The following RAG1 variants were observed in gnomAD, a reference collection of about 807,000 sequenced individuals.
RAG1 encodes recombination activating 1.
RAG1 carries 35 observed loss-of-function variants against 62.7 expected under a neutral mutation model. The observed-to-expected ratio is 0.56, with a 90% confidence interval of 0.43 to 0.74. The LOEUF is 0.74. Among genes scored for constraint, RAG1 ranks in the 30% least tolerant of loss-of-function variants. The pLI is 0.00. For synonymous variants in RAG1, 461 were observed against 470.3 expected (o/e 0.98, Z 0.26); for missense variants, 1,169 against 1,278.6 (o/e 0.91, Z 1.31).
chr11:36,576,055 G>A lies in RAG1; in HGVS notation c.2751G>A (p.Gln917=), dbSNP rs150721661. 1,290 of 1,614,094 alleles carry A rather than the reference G, an allele frequency of 8.0e-4. 4 individuals are homozygous for A. In the African/African-American group the frequency reaches 0.01, roughly 13 times the overall value. Residue 917 remains glutamine (Q), a synonymous_variant, in exon 2 of 2, where the codon CAG becomes CAA. Transcript: ENST00000299440. ...TCTGCCAGTACAGTTTCAATTCACA[G>A]CGTTTTGCTGAGCTCCTTTCTACGA... The part of the protein sequence containing the change: ...ESLCQYSFNS[Q]RFAELLSTKF...
At chr11:36,535,201 C>A (rs536428563) in intron 2 of RAG1, among the ~76,000 whole-genome samples, 12 of 151,892 alleles carry the variant, frequency 7.9e-5, no homozygotes, top group Non-Finnish European at 1.6e-4. Flanking sequence ...TCAACAATTC[C>A]ATGGATTCTG....
At chr11:36,529,359 A>T (rs960033200) in intron 2 of RAG1, among the ~76,000 whole-genome samples, 1 of 152,178 alleles carries the variant, frequency 6.6e-6, no homozygotes, top group Non-Finnish European at 1.5e-5. Flanking sequence ...CAATAAACGT[A>T]ATCCCTCACG....
chr11:36,537,413 A>C (rs1383222714), downstream of RAG1, among the ~76,000 whole-genome samples: 1 of 151,980 alleles, frequency 6.6e-6, no homozygotes, highest in Non-Finnish European at 1.5e-5. Flanking sequence ...ACATGTCAAA[A>C]CTCATCAAAT....
At chr11:36,531,275 C>T (rs912569259) in intron 2 of RAG1, among the ~76,000 whole-genome samples, 13 of 151,818 alleles carry the variant, frequency 8.6e-5, no homozygotes, top group African/African-American at 3.1e-4. Context: ...GTTTTTTAAT[C>T]CACTTTGTCA....
intron 1 of RAG1, 24 bp from the exon 2 acceptor site, chr11:36,573,267 A>G (rs1309108095): frequency 6.2e-7 from 1 of 1,612,974 alleles, no homozygotes; most frequent in Non-Finnish European, 8.5e-7. Flanking sequence ...TGGTCTTAAT[A>G]TGACTTGTTT....
At chr11:36,535,612 C>T (rs909551157) in intron 2 of RAG1, among the ~76,000 whole-genome samples, 4 of 152,154 alleles carry the variant, frequency 2.6e-5, no homozygotes, top group East Asian at 1.9e-4. Context: ...GGCATGGTGG[C>T]GTGTGCCTGT....
At chr11:36,572,598 G>A (rs561985273) in intron 1 of RAG1, among the ~76,000 whole-genome samples, 22 of 152,100 alleles carry the variant, frequency 1.4e-4, no homozygotes, top group African/African-American at 3.9e-4. Flanking sequence ...TTAGAGTTCC[G>A]TGTTTTTTGT....
Position 36,574,690 on chromosome 11 carries a change from C to G in RAG1, c.1386C>G (p.Gly462=), listed in dbSNP as rs1243594920. 4 of 1,614,102 alleles carry G rather than the reference C, an allele frequency of 2.5e-6. No homozygotes were observed. In the African/African-American group the frequency reaches 5.3e-5, roughly 22 times the overall value. Residue 462 remains glycine, a synonymous_variant, in exon 2 of 2, where the codon GGC becomes GGG. Coordinates refer to ENST00000299440, the MANE Select transcript of RAG1 (RefSeq NM_000448.3). ...TGGAGGCCATCATGCAGGGAAAGGGCTCTGGCCTGCAGCCAGCTGTTTGCT... is the reference window on the plus strand; with the variant it reads ...TGGAGGCCATCATGCAGGGAAAGGGGTCTGGCCTGCAGCCAGCTGTTTGCT... The part of the protein sequence containing the change: ...DELEAIMQGK[G]SGLQPAVCLA...
At position 36,573,541 on chromosome 11, in the gene RAG1, A is replaced by G. The variant is rs1850781182; in HGVS notation, c.237A>G (p.Pro79=). ...ADGQKPVPTQ[P]LLKAHPKFSK... ...GTCAGAAGCCAGTCCCAACTCAGCC[A>G]TTGTTAAAAGCCCACCCTAAGTTTT... Residue 79 remains proline, a synonymous_variant, in exon 2 of 2, where the codon CCA becomes CCG. Transcript: ENST00000299440. 1 of 1,614,194 alleles carries G rather than the reference A, an allele frequency of 6.2e-7. No individual in the cohort carries two copies. The highest frequency in any genetic ancestry group is 8.5e-7 in the Non-Finnish European group (1 of 1,180,030).
At chr11:36,560,932 C>T (rs1299091589) in intron 3 of RAG1, among the ~76,000 whole-genome samples, 2 of 152,210 alleles carry the variant, frequency 1.3e-5, no homozygotes, top group Non-Finnish European at 2.9e-5. Flanking sequence ...AGACGCTGTA[C>T]TCAAAGTGTA....
At chr11:36,533,378 A>G (rs1280110552) in intron 2 of RAG1, among the ~76,000 whole-genome samples, 1 of 152,106 alleles carries the variant, frequency 6.6e-6, no homozygotes, top group Non-Finnish European at 1.5e-5. Flanking sequence ...AATAAACCCA[A>G]TTCATGTAAC....
chr11:36,579,704 T>C lies in RAG1; in HGVS notation c.*3268T>C, dbSNP rs1042902647. ...TTAATATTTCCATTCATTAATATTA[T>C]GGTTATTGTCAGCAATTTTATGTTT... On this transcript the variant is annotated 3_prime_UTR_variant, in exon 2 of 2. Coordinates refer to ENST00000299440, the MANE Select transcript of RAG1 (RefSeq NM_000448.3). 11 of 167,080 alleles carry C rather than the reference T, an allele frequency of 6.6e-5. No homozygotes were observed. The highest frequency in any genetic ancestry group is 2.6e-4 in the African/African-American group (11 of 41,574). The allele number at this position is 167,080 out of a possible 1,614,324, so 10.3% of individuals were successfully genotyped here. A position where few individuals can be genotyped will look rare whatever the true frequency, so the allele number is the denominator to read the frequency against.
chr11:36,536,320 A>G (rs11033685), downstream of RAG1, among the ~76,000 whole-genome samples: 2 of 152,190 alleles, frequency 1.3e-5, no homozygotes, highest in African/African-American at 4.8e-5. Flanking sequence ...AGACCTATAC[A>G]CAACAAATGG....
downstream of RAG1, among the ~76,000 whole-genome samples, chr11:36,538,278 A>G (rs190334055): frequency 2.3e-4 from 35 of 152,180 alleles, no homozygotes; most frequent in African/African-American, 6.7e-4. Flanking sequence ...TATGCTGCCT[A>G]TTTCTCCTAT....
intron 2 of RAG1, among the ~76,000 whole-genome samples, chr11:36,532,677 C>T (rs1202407842): frequency 3.3e-5 from 5 of 152,152 alleles, no homozygotes; most frequent in Non-Finnish European, 7.3e-5. Flanking sequence ...CTTACCTGGT[C>T]CCTTTGCTCA....
chr11:36,550,277 G>T (rs1027055007), intron 3 of RAG1, among the ~76,000 whole-genome samples: 2 of 151,250 alleles, frequency 1.3e-5, no homozygotes, highest in African/African-American at 4.8e-5. Flanking sequence ...AATAAAAAAA[G>T]GTTTTTGGTT....
Position 36,577,090 on chromosome 11 carries a change from G to GT in RAG1, c.*655dup, listed in dbSNP as rs1395641714. 6.0e-6 allele frequency: 1 copy of GT among 167,608 alleles called. No individual in the cohort carries two copies. The highest frequency in any genetic ancestry group is 6.5e-5 in the Admixed American group (1 of 15,410). 10.4% of individuals were successfully genotyped at this position (167,608 alleles called of 1,614,324 possible). A position where few individuals can be genotyped will look rare whatever the true frequency, so the allele number is the denominator to read the frequency against. ...CAGTCCTTTTTTATGTTTAAATTAT[G>GT]TATCTATTGTAACCTTCAGAGTTTA... is the stretch of plus-strand genomic sequence containing the variant. On this transcript the variant is annotated 3_prime_UTR_variant, in exon 2 of 2. Transcript: ENST00000299440.
intron 3 of RAG1, among the ~76,000 whole-genome samples, chr11:36,558,996 T>C (rs1017415866): frequency 1.7e-4 from 26 of 152,218 alleles, no homozygotes; most frequent in African/African-American, 6.3e-4. Context: ...CTTTCAGATA[T>C]AGGGCTCCCT....
intron 3 of RAG1, among the ~76,000 whole-genome samples, chr11:36,551,868 G>T (rs199812175): frequency 2.1e-5 from 3 of 143,238 alleles, no homozygotes; most frequent in African/African-American, 2.6e-5. Context: ...TTTGTTTTTT[G>T]TTCTTGCGAT....
Sources: gnomAD v4.1 joint callset for allele counts (sites outside exome capture counted in the v4.1 genomes callset) on GRCh38, gnomAD v4.1.1 for gene constraint, MANE v1.5 for transcripts, NCBI Gene and HGNC (gene_info 2026-07-23, HGNC 2026-07-21) for gene names.